The following ELAPOR2 variants were observed in gnomAD, a reference collection of about 807,000 sequenced individuals.
ELAPOR2 encodes endosome/lysosome-associated apoptosis and autophagy regulator family member 2.
A neutral mutation model predicts 120.7 loss-of-function variants in ELAPOR2; 89 were observed. The ratio of observed to expected loss-of-function variants is 0.74; its 90% CI spans 0.62 to 0.88. The LOEUF (loss-of-function observed/expected upper bound fraction) is 0.88. Among genes scored for constraint, ELAPOR2 ranks in the 40% least tolerant of loss-of-function variants. ELAPOR2 has a pLI of 0.00. For synonymous variants in ELAPOR2, 444 were observed against 444.9 expected (o/e 1.00, Z 0.03); for missense variants, 1,134 against 1,251.6 (o/e 0.91, Z 1.42).
At chr7:87,054,009 T>C (rs1467152759) in intron 1 of ELAPOR2, among the ~76,000 whole-genome samples, 3 of 152,140 alleles carry the variant, frequency 2.0e-5, no homozygotes, top group Non-Finnish European at 2.9e-5. Flanking sequence ...ATTACAAAGC[T>C]CCATGGAGCA....
chr7:86,984,717 C>A (rs747804536), intron 1 of ELAPOR2, among the ~76,000 whole-genome samples: 3 of 152,066 alleles, frequency 2.0e-5, no homozygotes, highest in Non-Finnish European at 4.4e-5. Flanking sequence ...GCACTAAATG[C>A]CCATAAGAGA....
intron 8 of ELAPOR2, among the ~76,000 whole-genome samples, chr7:86,935,416 G>A (rs1459566302): frequency 6.6e-6 from 1 of 151,992 alleles, no homozygotes; most frequent in Non-Finnish European, 1.5e-5. Flanking sequence ...AAAACAGACT[G>A]AGGCCTTCCC....
chr7:86,888,212 T>G (rs1285371808), intron 21 of ELAPOR2, among the ~76,000 whole-genome samples: 2 of 152,082 alleles, frequency 1.3e-5, no homozygotes, highest in Non-Finnish European at 2.9e-5. Context: ...ACACTGAGTC[T>G]CTATATGTTT....
chr7:87,038,011 C>A (rs1794643795), intron 1 of ELAPOR2, among the ~76,000 whole-genome samples: 6 of 152,126 alleles, frequency 3.9e-5, no homozygotes. Flanking sequence ...CATAGACTAT[C>A]CTATAATTTT....
chr7:86,995,608 G>C (rs1275363035), intron 1 of ELAPOR2, among the ~76,000 whole-genome samples: 1 of 152,126 alleles, frequency 6.6e-6, no homozygotes, highest in African/African-American at 2.4e-5. Context: ...ATCCTCCTGT[G>C]ATTTATTTTC....
chr7:87,005,332 T>C (rs553062307), intron 1 of ELAPOR2, among the ~76,000 whole-genome samples: 1 of 128,106 alleles, frequency 7.8e-6, no homozygotes, highest in East Asian at 2.1e-4. Flanking sequence ...GTTTCCTCAA[T>C]AGGGCTAAAA....
At chr7:86,893,648 A>T (rs1788295690) in intron 19 of ELAPOR2, among the ~76,000 whole-genome samples, 1 of 152,014 alleles carries the variant, frequency 6.6e-6, no homozygotes, top group Non-Finnish European at 1.5e-5. Flanking sequence ...GTAAGTGGGC[A>T]CACAGTCTAC....
intron 1 of ELAPOR2, among the ~76,000 whole-genome samples, chr7:87,054,859 GA>G (rs1795214538): frequency 6.6e-6 from 1 of 152,076 alleles, no homozygotes; most frequent in South Asian, 2.1e-4. Context: ...ATCTTATTTG[GA>G]TTTCATCGGG....
chr7:86,915,231 A>C (rs1387362470), intron 12 of ELAPOR2, among the ~76,000 whole-genome samples: 3 of 152,082 alleles, frequency 2.0e-5, no homozygotes, highest in African/African-American at 7.2e-5. Flanking sequence ...ATAAACTTCT[A>C]AAGTTATCAT....
At chr7:87,012,068 T>A (rs1318885595) in intron 1 of ELAPOR2, among the ~76,000 whole-genome samples, 1 of 152,204 alleles carries the variant, frequency 6.6e-6, no homozygotes, top group Non-Finnish European at 1.5e-5. Context: ...AAATCCAATG[T>A]GTATTTTACA....
intron 1 of ELAPOR2, among the ~76,000 whole-genome samples, chr7:87,012,858 G>T (rs962783785): frequency 6.6e-6 from 1 of 152,122 alleles, no homozygotes; most frequent in African/African-American, 2.4e-5. Flanking sequence ...GCCTGCCACT[G>T]CTGTGTGACC....
intron 1 of ELAPOR2, among the ~76,000 whole-genome samples, chr7:86,996,467 TAC>T (rs918927796): frequency 6.6e-6 from 1 of 152,214 alleles, no homozygotes; most frequent in African/African-American, 2.4e-5. Flanking sequence ...CTAATCTGAC[TAC>T]AGTTTTGGGG....
At chr7:86,928,403 A>C (rs145539283) in intron 8 of ELAPOR2, among the ~76,000 whole-genome samples, 63 of 152,154 alleles carry the variant, frequency 4.1e-4, no homozygotes, top group African/African-American at 1.2e-3. Context: ...AATCCTACTT[A>C]ATTCCCTAAT....
chr7:86,902,169 G>GTTGTTTGT (rs61443089), intron 18 of ELAPOR2, among the ~76,000 whole-genome samples: 1 of 151,518 alleles, frequency 6.6e-6, no homozygotes, highest in Non-Finnish European at 1.5e-5. Context: ...GTCTTTTTTT[G>GTTGTTTGT]TTGTTTGTTT....
At chr7:86,935,159 C>G (rs1022417554) in intron 8 of ELAPOR2, among the ~76,000 whole-genome samples, 3 of 152,000 alleles carry the variant, frequency 2.0e-5, no homozygotes, top group Non-Finnish European at 2.9e-5. Flanking sequence ...AAAAAACTTG[C>G]AGTGATTTCT....
chr7:86,937,585 A>G (rs79243398), intron 8 of ELAPOR2, among the ~76,000 whole-genome samples: 1 of 152,054 alleles, frequency 6.6e-6, no homozygotes, highest in East Asian at 1.9e-4. Flanking sequence ...GCATTTTCTC[A>G]ATGCAATTAC....
chr7:86,881,693 G>A (rs989180129), intron 21 of ELAPOR2, among the ~76,000 whole-genome samples: 4 of 151,940 alleles, frequency 2.6e-5, no homozygotes, highest in Non-Finnish European at 4.4e-5. Flanking sequence ...ACAACATTTT[G>A]CCATGTTGCC....
intron 1 of ELAPOR2, among the ~76,000 whole-genome samples, chr7:87,023,823 A>C (rs1441226401): frequency 6.6e-6 from 1 of 152,102 alleles, no homozygotes; most frequent in Non-Finnish European, 1.5e-5. Flanking sequence ...TTTGCTTTGA[A>C]GCAATTGTGA....
chr7:87,049,133 T>C (rs958074310), intron 1 of ELAPOR2, among the ~76,000 whole-genome samples: 1 of 152,174 alleles, frequency 6.6e-6, no homozygotes, highest in African/African-American at 2.4e-5. Context: ...TTGTTATCTA[T>C]ATGAAGCTTA....
Sources: gnomAD v4.1 joint callset for allele counts (sites outside exome capture counted in the v4.1 genomes callset) on GRCh38, gnomAD v4.1.1 for gene constraint, MANE v1.5 for transcripts, NCBI Gene and HGNC (gene_info 2026-07-23, HGNC 2026-07-21) for gene names.